The following ST14 variants were observed in gnomAD, a reference collection of about 807,000 sequenced individuals.
The protein encoded by ST14 is suppressor of tumorigenicity 14 protein.
A neutral mutation model predicts 96.5 loss-of-function variants in ST14; 40 were observed. That is an observed-to-expected ratio of 0.41 (90% CI 0.32 to 0.54). The LOEUF (loss-of-function observed/expected upper bound fraction) is 0.54. Ranked by LOEUF, ST14 falls within the 20% of genes least tolerant of loss-of-function variation. The pLI is 0.17. For synonymous variants in ST14, 506 were observed against 492.1 expected, an observed-to-expected ratio of 1.03 and a Z score of -0.37; for missense variants, 1,066 against 1,188.9, an observed-to-expected ratio of 0.90 and a Z score of 1.52.
chr11:130,188,273 T>C lies in ST14; in HGVS notation c.241T>C (p.Tyr81His), dbSNP rs1470243848. 22 of 1,612,946 alleles carry C rather than the reference T, an allele frequency of 1.4e-5. No homozygotes were observed. The highest frequency in any genetic ancestry group is 1.9e-5 in the Non-Finnish European group (22 of 1,179,224). ...CGGCTTCCTGGTGTGGCATTTGCAG[T>C]GTGAGTAAAGCTGGGGCTGGCTCCG... ...GIGFLVWHLQ[Y>H]RDVRVQKVFN... The change falls in exon 2 of 19, where the codon TAC becomes CAC. Residue 81 changes from tyrosine to histidine, a missense_variant and splice_region_variant. Tyr to His is a moderately conservative substitution (Grantham distance 83). Coordinates refer to ENST00000278742, the MANE Select transcript of ST14 (RefSeq NM_021978.4). This position sits in a 1 kb window ranked among gnomAD's most constrained non-coding sequence, Gnocchi z 5.4.
Position 130,190,713 on chromosome 11 carries a change from G to T in ST14, c.875+19G>T, listed in dbSNP as rs540883140. The stretch of plus-strand genomic sequence containing the variant: ...TGGTGCAGTGAGTACCCCGGGGGGC[G>T]GGTAGGGCTGTGGGAGCTTGGCGGC... On this transcript the variant is annotated intron_variant, in intron 7 of 18. Transcript: ENST00000278742. The T allele has an allele frequency of 6.4e-7, 1 of 1,556,852 alleles. No individual in the cohort carries two copies. The highest frequency in any genetic ancestry group is 8.7e-7 in the Non-Finnish European group (1 of 1,150,770).
chr11:130,194,234 G>A lies in ST14; in HGVS notation c.961G>A (p.Glu321Lys), dbSNP rs1353505728. The A allele has an allele frequency of 3.1e-6, 5 of 1,614,212 alleles. No individual in the cohort carries two copies. The highest frequency in any genetic ancestry group is 4.2e-6 in the Non-Finnish European group (5 of 1,180,040). Residue 321 changes from glutamate (E) to lysine (K), a missense_variant, in exon 8 of 19, where the codon GAG (glutamate) becomes AAG (lysine). Physicochemically the swap from Glu to Lys is moderately conservative, Grantham distance 56. Transcript: ENST00000278742. Reference sequence around the variant, plus strand: ...GCTCATCACACTGATAACCAACACTGAGCGGCGGCATCCCGGCTTTGAGGC... The same window carrying A: ...GCTCATCACACTGATAACCAACACTAAGCGGCGGCATCCCGGCTTTGAGGC... ...VLLITLITNTERRHPGFEATF... is the reference protein window; with the variant it reads ...VLLITLITNTKRRHPGFEATF...
At chr11:130,201,358 G>A (rs61596114) in intron 16 of ST14, among the ~76,000 whole-genome samples, 39 of 152,364 alleles carry the variant, frequency 2.6e-4, no homozygotes, top group East Asian at 3.9e-4. Flanking sequence ...CTGGCTGCAC[G>A]CTTTTCCATG....
intron 1 of ST14, among the ~76,000 whole-genome samples, chr11:130,170,829 G>A (rs904493863): frequency 5.3e-5 from 8 of 152,046 alleles, no homozygotes; most frequent in African/African-American, 1.9e-4. Context: ...GGGTTTTGTA[G>A]TAGATAGAGT....
At chr11:130,207,887 A>G (rs575455165) in intron 16 of ST14, among the ~76,000 whole-genome samples, 7 of 152,178 alleles carry the variant, frequency 4.6e-5, no homozygotes, top group African/African-American at 1.7e-4. Flanking sequence ...CCTGACCACC[A>G]TGATGAAATC....
intron 1 of ST14, among the ~76,000 whole-genome samples, chr11:130,168,436 G>A (rs1388596287): frequency 1.3e-5 from 2 of 152,204 alleles, no homozygotes; most frequent in African/African-American, 2.4e-5. Context: ...CACGAGCACC[G>A]ATGTAGAGCT....
At position 130,198,369 on chromosome 11, in the gene ST14, C is replaced by A; in HGVS notation, c.1521C>A (p.Val507=). Residue 507 remains valine (V), a synonymous_variant, in exon 13 of 19, where the codon GTC becomes GTA. Transcript: ENST00000278742. ...AGTTCTGCAAGCCCCTCTTCTGGGT[C>A]TGCGACAGTGTGAACGACTGCGGAG... The part of the protein sequence containing the change: ...KNKFCKPLFW[V]CDSVNDCGDN... The A allele has an allele frequency of 6.2e-7, 1 of 1,614,196 alleles. No homozygotes were observed. Among genetic ancestry groups the A allele is most frequent in the South Asian group, 1.1e-5 (1 of 91,086 alleles).
chr11:130,200,577 C>T (rs944366279), intron 16 of ST14, among the ~76,000 whole-genome samples: 4 of 152,202 alleles, frequency 2.6e-5, no homozygotes, highest in African/African-American at 4.8e-5. Flanking sequence ...CCTCCTACCA[C>T]GCCCCACCTC....
chr11:130,209,939 A>T lies in ST14; in HGVS notation c.*116A>T. On this transcript the variant is annotated 3_prime_UTR_variant, in exon 19 of 19. Coordinates refer to ENST00000278742, the MANE Select transcript of ST14 (RefSeq NM_021978.4). ...CTGCACCAGCGCCCCCAGAACATACACTGTGAACTCAATCTCCAGGGCTCC... is the reference window on the plus strand; with the variant it reads ...CTGCACCAGCGCCCCCAGAACATACTCTGTGAACTCAATCTCCAGGGCTCC... 7.9e-7 allele frequency: 1 copy of T among 1,260,194 alleles called. No homozygotes were observed. Among genetic ancestry groups the T allele is most frequent in the Non-Finnish European group, 1.1e-6 (1 of 905,222 alleles). 78.1% of individuals were successfully genotyped at this position (1,260,194 alleles called of 1,614,324 possible). A position where few individuals can be genotyped will look rare whatever the true frequency, so the allele number is the denominator to read the frequency against.
At chr11:130,169,049 C>G (rs1382454064) in intron 1 of ST14, among the ~76,000 whole-genome samples, 1 of 150,040 alleles carries the variant, frequency 6.7e-6, no homozygotes, top group African/African-American at 2.5e-5. Flanking sequence ...AAAAAGCCAA[C>G]AGTCCCATAC....
At chr11:130,189,324 CTT>C (rs1953270383) in intron 4 of ST14, 1 of 443,870 alleles carries the variant, frequency 2.3e-6, no homozygotes, top group African/African-American at 2.0e-5. Flanking sequence ...AAAAAATAGA[CTT>C]TATTCTCAAA....
At chr11:130,206,010 T>C (rs1953483228) in intron 16 of ST14, among the ~76,000 whole-genome samples, 1 of 152,196 alleles carries the variant, frequency 6.6e-6, no homozygotes, top group African/African-American at 2.4e-5. Flanking sequence ...TTCGGAGCTT[T>C]TTAAAAAAAG....
rs142090589 is a variant in ST14 at position 130,208,646 on chromosome 11, C to T, written c.2231C>T (p.Ala744Val). Residue 744 changes from alanine to valine, a missense_variant, in exon 17 of 19, where the codon GCC becomes GTC. Transcript: ENST00000278742. ...DASHVFPAGK[A>V]IWVTGWGHTQ... ...TCCCATGTCTTCCCTGCCGGCAAGG[C>T]CATCTGGGTCACGGGCTGGGGACAC... The T allele has an allele frequency of 6.7e-4, 1,088 of 1,613,984 alleles. 1 individual carries two copies. Among genetic ancestry groups the T allele is most frequent in the Admixed American group, 1.0e-3 (63 of 60,028 alleles).
At chr11:130,180,890 A>G (rs1953185872) in intron 1 of ST14, among the ~76,000 whole-genome samples, 1 of 152,078 alleles carries the variant, frequency 6.6e-6, no homozygotes. Context: ...CAGTTGCTCT[A>G]GTGTGCCTCA....
intron 16 of ST14, among the ~76,000 whole-genome samples, chr11:130,202,428 AGGCTCCCTTG>A (rs1389177426): frequency 6.6e-5 from 10 of 152,196 alleles, no homozygotes; most frequent in Admixed American, 2.0e-4. Flanking sequence ...GGCTGTGTCC[AGGCTCCCTTG>A]GGCCCAGCAT....
chr11:130,175,368 T>C (rs1953126764), intron 1 of ST14, among the ~76,000 whole-genome samples: 1 of 152,070 alleles, frequency 6.6e-6, no homozygotes, highest in Non-Finnish European at 1.5e-5. Flanking sequence ...CCTCTCTCTC[T>C]TTCTCTCTCT....
intron 13 of ST14, 41 bp downstream of exon 13, chr11:130,198,459 G>A (rs771386563): frequency 1.1e-5 from 18 of 1,612,772 alleles, no homozygotes; most frequent in East Asian, 2.2e-5. Flanking sequence ...GCAGGTGGGC[G>A]GGGCGACTGA....
chr11:130,198,855 G>T (rs1347427180), intron 14 of ST14, 92 bp from the exon 15 acceptor site: 2 of 1,607,734 alleles, frequency 1.2e-6, no homozygotes, highest in Non-Finnish European at 1.7e-6. Context: ...GGGGTAATGT[G>T]CAGGGGCCAT....
chr11:130,162,989 A>G (rs1410890846), intron 1 of ST14, among the ~76,000 whole-genome samples: 1 of 152,182 alleles, frequency 6.6e-6, no homozygotes, highest in African/African-American at 2.4e-5. Flanking sequence ...GTGATGACAT[A>G]TATGTTCCAG....
Sources: gnomAD v4.1 joint callset for allele counts (sites outside exome capture counted in the v4.1 genomes callset) on GRCh38, gnomAD v4.1.1 for gene constraint, Gnocchi (gnomAD v3.1) non-coding constraint, MANE v1.5 for transcripts, NCBI Gene and HGNC (gene_info 2026-07-23, HGNC 2026-07-21) for gene names.